Variants in UNC79 observed in about 807,000 individuals in gnomAD.
The protein encoded by UNC79 is protein unc-79 homolog.
UNC79 carries 37 observed loss-of-function variants against 283.1 expected under a neutral mutation model. That is an observed-to-expected ratio of 0.13 (90% CI 0.10 to 0.17). The LOEUF (loss-of-function observed/expected upper bound fraction) is 0.17. Ranked by LOEUF, UNC79 falls within the 10% of genes least tolerant of loss-of-function variation. The pLI, the probability that UNC79 is intolerant of heterozygous loss-of-function variation, is 1.00. For missense variants in UNC79, 2,272 were observed against 3,211.1 expected, an observed-to-expected ratio of 0.71 and a Z score of 7.07; for synonymous variants, 1,107 against 1,200.2, an observed-to-expected ratio of 0.92 and a Z score of 1.61.
chr14:93,586,725 T>C (rs1384320805), intron 21 of UNC79, 35 bp from the exon 22 acceptor site: 10 of 1,612,942 alleles, frequency 6.2e-6, no homozygotes, highest in Non-Finnish European at 7.6e-6. Context: ...ATTACTGTTT[T>C]GGATAACTTA....
At chr14:93,427,599 T>C (rs1350185090), upstream of UNC79, among the ~76,000 whole-genome samples, 1 of 152,088 alleles carries the variant, frequency 6.6e-6, no homozygotes, top group Non-Finnish European at 1.5e-5. Flanking sequence ...ACTGAATATA[T>C]TATGTTTTAC....
chr14:93,612,826 A>G (rs776593951), exon 27 of UNC79: 19 of 1,613,978 alleles, frequency 1.2e-5, no homozygotes, highest in Non-Finnish European at 1.6e-5. Context: ...TGACAACACC[A>G]TCAAGGACCT....
intron 1 of UNC79, among the ~76,000 whole-genome samples, chr14:93,364,364 T>C (rs2054287361): frequency 6.6e-6 from 1 of 152,106 alleles, no homozygotes; most frequent in Non-Finnish European, 1.5e-5. Context: ...CTATTACCTC[T>C]GACTTGCTTT....
intron 1 of UNC79, among the ~76,000 whole-genome samples, chr14:93,354,725 C>A (rs1344966740): frequency 6.6e-6 from 1 of 152,108 alleles, no homozygotes; most frequent in African/African-American, 2.4e-5. Context: ...TGGTCTTGAT[C>A]TCCTGGGCTC....
chr14:93,654,125 G>A lies in UNC79; in HGVS notation c.6282+100G>A. 3 of 824,402 alleles carry A rather than the reference G, an allele frequency of 3.6e-6. No homozygotes were observed. In the South Asian group the frequency reaches 6.7e-5, roughly 18 times the overall value. 51.1% of individuals were successfully genotyped at this position (824,402 alleles called of 1,614,324 possible). The stretch of plus-strand genomic sequence containing the variant: ...TTGAGTCACACCATAGGATACTGCT[G>A]AGGAAGGATTGCAATGTTATTTAAT... On this transcript the variant is annotated intron_variant, in intron 37 of 48. Transcript: ENST00000555664.
intron 7 of UNC79, among the ~76,000 whole-genome samples, chr14:93,511,297 G>T (rs1488721522): frequency 3.3e-5 from 5 of 152,150 alleles, no homozygotes; most frequent in African/African-American, 1.2e-4. Context: ...AGATATGGTT[G>T]CTTTGTTCCT....
rs541070301 is a variant in UNC79, at chr14:93,678,731, G to A, written c.6742-3886G>A. On this transcript the variant is annotated intron_variant, in intron 41 of 48. Transcript: ENST00000555664. ...TCTAGCCATGACCACTGTTGTTTAC[G>A]TATAAAGTTTTTTTACATATGAAGT... 1.5e-4 allele frequency among the ~76,000 whole-genome samples: 23 copies of A among 152,276 alleles called. No homozygotes were observed. The East Asian group carries it at 3.3e-3, about 22-fold the overall frequency.
chr14:93,543,005 G>T (rs141530894), intron 14 of UNC79, among the ~76,000 whole-genome samples: 3 of 149,262 alleles, frequency 2.0e-5, no homozygotes, highest in Non-Finnish European at 4.4e-5. Flanking sequence ...CAGGCTGGCC[G>T]CCTTGAACTC....
Position 93,347,462 on chromosome 14 carries a change from G to A in UNC79, c.-351+13939G>A. 4 of 1,380,132 alleles carry A rather than the reference G, an allele frequency of 2.9e-6. No homozygotes were observed. The South Asian group carries it at 6.5e-5, about 22-fold the overall frequency. 85.5% of individuals were successfully genotyped at this position (1,380,132 alleles called of 1,614,324 possible). On this transcript the variant is annotated intron_variant, in intron 1 of 49. Transcript: ENST00000256339. The stretch of plus-strand genomic sequence containing the variant: ...GCCCTGGCGGGGCGCCCCGACGGGT[G>A]GGGAGAAGGGAGGACACGGCGTGCA...
chr14:93,686,029 G>A (rs1202562432), intron 42 of UNC79, among the ~76,000 whole-genome samples: 2 of 152,176 alleles, frequency 1.3e-5, no homozygotes, highest in African/African-American at 2.4e-5. Context: ...TGTATAAGAA[G>A]TTAATTTGCA....
intron 14 of UNC79, among the ~76,000 whole-genome samples, chr14:93,560,505 GAT>G (rs2062477288): frequency 6.6e-6 from 1 of 152,144 alleles, no homozygotes; most frequent in South Asian, 2.1e-4. Context: ...GGAAGGTCGT[GAT>G]AGAGGTTGAA....
chr14:93,655,087 C>T, intron 37 of UNC79, 147 bp from the exon 41 acceptor site: 15 of 743,982 alleles, frequency 2.0e-5, no homozygotes, highest in Middle Eastern at 4.0e-4. Flanking sequence ...GTTATCCTTC[C>T]AGTCTATCAC....
At chr14:93,579,846 A>G (rs1595930800) in intron 18 of UNC79, among the ~76,000 whole-genome samples, 1 of 152,230 alleles carries the variant, frequency 6.6e-6, no homozygotes, top group East Asian at 1.9e-4. Context: ...TTAAATGTGT[A>G]AAATCTCACA....
chr14:93,557,264 T>C (rs1951713), intron 14 of UNC79, among the ~76,000 whole-genome samples: 131,591 of 152,218 alleles, frequency 0.86, 56,973 homozygotes, highest in East Asian at 0.94. Flanking sequence ...TATTTTGTTA[T>C]GGGTATTGGG....
intron 1 of UNC79, among the ~76,000 whole-genome samples, chr14:93,359,385 C>T (rs2054173079): frequency 1.3e-5 from 2 of 152,220 alleles, no homozygotes; most frequent in South Asian, 4.1e-4. Context: ...GCAGCACCTG[C>T]ATCTTTGAAA....
At chr14:93,578,694 T>TA (rs552711990) in intron 18 of UNC79, among the ~76,000 whole-genome samples, 2 of 151,834 alleles carry the variant, frequency 1.3e-5, no homozygotes, top group African/African-American at 2.4e-5. Flanking sequence ...GTGTATTTTC[T>TA]AAAAAAAAGG....
At chr14:93,538,256 C>T in intron 12 of UNC79, 38 bp downstream of exon 12, 3 of 1,498,662 alleles carry the variant, frequency 2.0e-6, no homozygotes, top group Non-Finnish European at 2.7e-6. Flanking sequence ...TCTGACAACT[C>T]CACCTTGCTT....
chr14:93,461,372 A>G (rs751922182), intron 1 of UNC79, among the ~76,000 whole-genome samples: 3 of 152,242 alleles, frequency 2.0e-5, no homozygotes, highest in African/African-American at 4.8e-5. Context: ...TTTTTAGTCT[A>G]TGACTGAATT....
rs3060642 is a variant in UNC79, at chr14:93,517,919, CTG to C, written c.899-6038_899-6037del. Among the ~76,000 whole-genome samples, 133 of 147,702 alleles carry C rather than the reference CTG, an allele frequency of 9.0e-4. 4 individuals are homozygous for C. In the South Asian group the frequency reaches 0.021, roughly 23 times the overall value. On this transcript the variant is annotated intron_variant, in intron 7 of 48. Coordinates refer to ENST00000555664, the Ensembl canonical transcript of UNC79. Reference sequence around the variant, plus strand: ...TATGTGAGTGTGTGTGTGTGTGTGTCTGTGTGTGTGTGTGTGTGTGTGAAATG... The same window carrying C: ...TATGTGAGTGTGTGTGTGTGTGTGTCTGTGTGTGTGTGTGTGTGTGAAATG...
Sources: allele counts gnomAD v4.1 joint callset (sites outside exome capture counted in the v4.1 genomes callset), GRCh38; gene constraint gnomAD v4.1.1; transcripts MANE v1.5; gene names NCBI Gene and HGNC (gene_info 2026-07-23, HGNC 2026-07-21).